LSM11: variants seen among roughly 807,000 people sequenced by gnomAD.
LSM11 encodes LSM11, U7 small nuclear RNA associated, also known as U7 snRNA-associated Sm-like protein LSm11.
A neutral mutation model predicts 28.1 loss-of-function variants in LSM11; 14 were observed. The observed-to-expected ratio is 0.50, with a 90% CI of 0.33 to 0.78. LSM11 has a LOEUF of 0.78. Ranked by LOEUF, LSM11 falls within the 30% of genes least tolerant of loss-of-function variation. The pLI, the probability that LSM11 is intolerant of heterozygous loss-of-function variation, is 0.02. For synonymous variants in LSM11, 207 were observed against 214.2 expected, an observed-to-expected ratio of 0.97 and a Z score of 0.30; for missense variants, 495 against 510.6, an observed-to-expected ratio of 0.97 and a Z score of 0.30.
rs1177741976 is a variant in LSM11 at position 157,744,133 on chromosome 5, G to A, written c.383G>A (p.Gly128Glu). The A allele has an allele frequency of 2.0e-6, 3 of 1,471,836 alleles. No homozygotes were observed. Among genetic ancestry groups the A allele is most frequent in the Non-Finnish European group, 2.7e-6 (3 of 1,114,884 alleles). The allele number at this position is 1,471,836 out of a possible 1,614,324, so 91.2% of individuals were successfully genotyped here. A position where few individuals can be genotyped will look rare whatever the true frequency, so the allele number is the denominator to read the frequency against. ...AAAGAGGAAGGGGACGGGGCCGCAG[G>A]AGCGGGCCGGAGGGGTCCGGGTCGG... is the stretch of plus-strand genomic sequence containing the variant. ...VAKEEGDGAA[G>E]AGRRGPGRSR... The change falls in exon 1 of 4, where the codon GGA becomes GAA. Residue 128 changes from glycine to glutamate, a missense_variant. Transcript: ENST00000286307.
intron 3 of LSM11, among the ~76,000 whole-genome samples, chr5:157,754,647 G>A (rs1042834332): frequency 1.0e-4 from 14 of 136,512 alleles, no homozygotes; most frequent in East Asian, 4.3e-4. Context: ...AGCTGAGATC[G>A]CACCACTGCA....
At chr5:157,744,299 C>G in intron 1 of LSM11, 101 bp downstream of exon 1, 1 of 917,540 alleles carries the variant, frequency 1.1e-6, no homozygotes, top group Non-Finnish European at 1.4e-6. Context: ...CGGGTCTGCA[C>G]GTATTGCGGG....
chr5:157,754,886 C>G lies in LSM11; in HGVS notation c.705C>G (p.Ser235=). 1 of 1,613,936 alleles carries G rather than the reference C, an allele frequency of 6.2e-7. No individual in the cohort carries two copies. The highest frequency in any genetic ancestry group is 8.5e-7 in the Non-Finnish European group (1 of 1,179,920). ...LFDRLKLQDS[S]KKEADSKSAV... Reference sequence around the variant, plus strand: ...ATCGGCTGAAACTTCAAGATTCCTCCAAGAAGGAAGCAGATTCTAAGTCTG... The same window carrying G: ...ATCGGCTGAAACTTCAAGATTCCTCGAAGAAGGAAGCAGATTCTAAGTCTG... The change falls in exon 4 of 4, where the codon TCC becomes TCG. Residue 235 remains serine, a synonymous_variant. Coordinates refer to ENST00000286307, the MANE Select transcript of LSM11 (RefSeq NM_173491.4).
Position 157,753,991 on chromosome 5 carries a change from G to T in LSM11, c.589-13G>T, listed in dbSNP as rs557208301. ...TTCTGTCTAATGTTTTTCCTTTTGGGCTGTTCCTCTAGGCACTTACTGATG... is the reference window on the plus strand; with the variant it reads ...TTCTGTCTAATGTTTTTCCTTTTGGTCTGTTCCTCTAGGCACTTACTGATG... On this transcript the variant is annotated splice_polypyrimidine_tract_variant and intron_variant, in intron 2 of 3. Coordinates refer to ENST00000286307, the MANE Select transcript of LSM11 (RefSeq NM_173491.4). 6.7e-7 allele frequency: 1 copy of T among 1,502,980 alleles called. No homozygotes were observed. The highest frequency in any genetic ancestry group is 8.9e-7 in the Non-Finnish European group (1 of 1,126,532). 93.1% of individuals were successfully genotyped at this position (1,502,980 alleles called of 1,614,324 possible). A position where few individuals can be genotyped will look rare whatever the true frequency, so the allele number is the denominator to read the frequency against.
intron 1 of LSM11, among the ~76,000 whole-genome samples, chr5:157,746,759 A>C (rs1163842512): frequency 6.6e-6 from 1 of 152,156 alleles, no homozygotes; most frequent in Admixed American, 6.5e-5. Context: ...AAAATACAAA[A>C]ATTAGTTGGG....
Position 157,754,713 on chromosome 5 carries a change from A to AG in LSM11, c.673-140dup. ...TCTCCAAAAAAAAAAAAAAAAAAAA[A>AG]GATTTATTACTAACTTTTAAAAAAT... is the stretch of plus-strand genomic sequence containing the variant. On this transcript the variant is annotated intron_variant, in intron 3 of 3. Coordinates refer to ENST00000286307, the MANE Select transcript of LSM11 (RefSeq NM_173491.4). The AG allele has an allele frequency of 7.2e-6, 4 of 559,256 alleles. No homozygotes were observed. The South Asian group carries it at 1.2e-4, about 16-fold the overall frequency. 34.6% of individuals were successfully genotyped at this position (559,256 alleles called of 1,614,324 possible).
At position 157,758,013 on chromosome 5, in the gene LSM11, T is replaced by C. The variant is rs1336324969; in HGVS notation, c.*2749T>C. The C allele has an allele frequency of 6.6e-6, 1 of 152,256 alleles. No homozygotes were observed. The highest frequency in any genetic ancestry group is 2.4e-5 in the African/African-American group (1 of 41,472). The allele number at this position is 152,256 out of a possible 1,614,324, so 9.4% of individuals were successfully genotyped here. On this transcript the variant is annotated 3_prime_UTR_variant, in exon 4 of 4. Transcript: ENST00000286307. ...CCATTTGTTTGTTTGGTCTGGACAG[T>C]GGTTCTGGAATGAATTCTATCTAGT...
Position 157,755,583 on chromosome 5 carries a change from T to C in LSM11, c.*319T>C. On this transcript the variant is annotated 3_prime_UTR_variant, in exon 4 of 4. Transcript: ENST00000286307. ...TAGGGGTCATGATATGAGTGGAATT[T>C]ACATTTTAGATACTATAGGGGAAAG... 6.3e-6 allele frequency: 3 copies of C among 477,050 alleles called. No homozygotes were observed. The highest frequency in any genetic ancestry group is 1.1e-5 in the Non-Finnish European group (3 of 273,322). The allele number at this position is 477,050 out of a possible 1,614,324, so 29.6% of individuals were successfully genotyped here. A position where few individuals can be genotyped will look rare whatever the true frequency, so the allele number is the denominator to read the frequency against.
In LSM11 at chr5:157,758,516, A is replaced by C. The variant is rs946678580; in HGVS notation, c.*3252A>C. ...ATTTAGGACATTATCACAAGTTGCT[A>C]TGGAAATAACTGAAGACTTCCTCAG... On this transcript the variant is annotated 3_prime_UTR_variant, in exon 4 of 4. Coordinates refer to ENST00000286307, the MANE Select transcript of LSM11 (RefSeq NM_173491.4). 6.6e-6 allele frequency: 1 copy of C among 152,216 alleles called. No individual in the cohort carries two copies. Among genetic ancestry groups the C allele is most frequent in the Non-Finnish European group, 1.5e-5 (1 of 68,036 alleles). 9.4% of individuals were successfully genotyped at this position (152,216 alleles called of 1,614,324 possible).
intron 2 of LSM11, among the ~76,000 whole-genome samples, chr5:157,752,842 T>TTAAA (rs1761259049): frequency 1.4e-5 from 1 of 71,376 alleles, no homozygotes; most frequent in Admixed American, 1.5e-4. Flanking sequence ...CGAGACTCTG[T>TTAAA]CAAAAAAAAA....
chr5:157,746,948 T>G (rs905593479), intron 1 of LSM11, among the ~76,000 whole-genome samples: 1 of 152,126 alleles, frequency 6.6e-6, no homozygotes, highest in Non-Finnish European at 1.5e-5. Context: ...GCTGTTGCAA[T>G]ACTGGGAATA....
Position 157,758,813 on chromosome 5 carries a change from G to C in LSM11, c.*3549G>C, listed in dbSNP as rs1405765013. ...TAGGACATACTTATGTAGTTGGTGA[G>C]GTCTTCTCAAAAGTATCTACCTTTG... is the stretch of plus-strand genomic sequence containing the variant. On this transcript the variant is annotated 3_prime_UTR_variant, in exon 4 of 4. Transcript: ENST00000286307. 1 of 152,140 alleles carries C rather than the reference G, an allele frequency of 6.6e-6. No individual in the cohort carries two copies. The highest frequency in any genetic ancestry group is 1.5e-5 in the Non-Finnish European group (1 of 68,036). 9.4% of individuals were successfully genotyped at this position (152,140 alleles called of 1,614,324 possible). A position where few individuals can be genotyped will look rare whatever the true frequency, so the allele number is the denominator to read the frequency against.
chr5:157,745,942 A>C (rs948580288), intron 1 of LSM11, among the ~76,000 whole-genome samples: 5 of 152,238 alleles, frequency 3.3e-5, no homozygotes, highest in Non-Finnish European at 7.3e-5. Flanking sequence ...GAGGAGGGTG[A>C]GAATCACAAA....
At chr5:157,752,015 A>G (rs908094833) in intron 2 of LSM11, among the ~76,000 whole-genome samples, 8 of 152,248 alleles carry the variant, frequency 5.3e-5, no homozygotes, top group Non-Finnish European at 8.8e-5. Context: ...ATTAATTAAG[A>G]AAAACATTTA....
chr5:157,748,563 C>T (rs1466021735), intron 1 of LSM11, among the ~76,000 whole-genome samples: 1 of 152,202 alleles, frequency 6.6e-6, no homozygotes, highest in Non-Finnish European at 1.5e-5. Flanking sequence ...CACCCTTTCC[C>T]TGTAGCATAT....
At position 157,743,795 on chromosome 5, in the gene LSM11, C is replaced by T. The variant is rs1194868108; in HGVS notation, c.45C>T (p.Ser15=). ...GGGCGAGGTCGGCTGGCGCCGGGAG[C>T]CCCGCGCGCCCGCCCAGCCCGCGGC... The part of the protein sequence containing the change: ...ERGARSAGAG[S]PARPPSPRLD... The change falls in exon 1 of 4, where the codon AGC becomes AGT. Residue 15 remains serine (S), a synonymous_variant. Transcript: ENST00000286307. The T allele has an allele frequency of 4.8e-6, 7 of 1,454,898 alleles. No homozygotes were observed. The highest frequency in any genetic ancestry group is 5.5e-5 in the Admixed American group (2 of 36,206). The allele number at this position is 1,454,898 out of a possible 1,614,324, so 90.1% of individuals were successfully genotyped here.
intron 2 of LSM11, among the ~76,000 whole-genome samples, chr5:157,753,202 A>G (rs529212635): frequency 5.9e-5 from 9 of 152,318 alleles, no homozygotes; most frequent in Admixed American, 2.0e-4. Flanking sequence ...ACCATTAGGG[A>G]ATTTGAATCC....
At chr5:157,752,843 CAAAAAAAAAAA>C (rs553164268) in intron 2 of LSM11, among the ~76,000 whole-genome samples, 1 of 103,312 alleles carries the variant, frequency 9.7e-6, no homozygotes, top group Non-Finnish European at 2.0e-5. Flanking sequence ...GAGACTCTGT[CAAAAAAAAAAA>C]AAAAAAAAAA....
chr5:157,754,433 C>G (rs1451342794), intron 3 of LSM11, among the ~76,000 whole-genome samples: 8 of 152,078 alleles, frequency 5.3e-5, no homozygotes. Context: ...GTGGCTCATG[C>G]CTGTAATCCC....
Sources: allele counts gnomAD v4.1 joint callset (sites outside exome capture counted in the v4.1 genomes callset), GRCh38; gene constraint gnomAD v4.1.1; transcripts MANE v1.5; gene names NCBI Gene and HGNC (gene_info 2026-07-23, HGNC 2026-07-21).